Variants in CDK14 observed in about 807,000 individuals in gnomAD.
The protein encoded by CDK14 is cyclin dependent kinase 14, also known as cyclin-dependent kinase 14.
A neutral mutation model predicts 60.7 loss-of-function variants in CDK14; 34 were observed. The observed-to-expected ratio is 0.56, with a 90% CI of 0.43 to 0.75. The LOEUF (loss-of-function observed/expected upper bound fraction) is 0.75, where lower values mean the gene tolerates loss of function less well. Among genes scored for constraint, CDK14 ranks in the 30% least tolerant of loss-of-function variants. The pLI, the probability that CDK14 is intolerant of heterozygous loss-of-function variation, is 0.00. For synonymous variants in CDK14, 197 were observed against 203.7 expected (o/e 0.97, Z 0.28); for missense variants, 482 against 564.1 (o/e 0.85, Z 1.47).
intron 14 of CDK14, among the ~76,000 whole-genome samples, chr7:91,191,006 T>A (rs1031238128): frequency 6.6e-6 from 1 of 152,162 alleles, no homozygotes; most frequent in African/African-American, 2.4e-5. Flanking sequence ...ACTTTCAGAT[T>A]TGAGGAGGGT....
chr7:91,148,470 C>T (rs556763985), intron 14 of CDK14, among the ~76,000 whole-genome samples: 11 of 152,150 alleles, frequency 7.2e-5, no homozygotes, highest in East Asian at 1.9e-4. Context: ...TAAGATATGA[C>T]GGTAGCTTCC....
chr7:91,121,672 C>G (rs971698176), intron 14 of CDK14, among the ~76,000 whole-genome samples: 2 of 152,128 alleles, frequency 1.3e-5, no homozygotes, highest in Non-Finnish European at 2.9e-5. Context: ...CCATAAATAC[C>G]TAAGTTAAAA....
chr7:90,768,954 A>G (rs1301737641), intron 4 of CDK14, among the ~76,000 whole-genome samples: 1 of 152,224 alleles, frequency 6.6e-6, no homozygotes, highest in Admixed American at 6.5e-5. Context: ...TTATATAGCT[A>G]CATTCCAGGC....
chr7:91,029,301 C>T (rs375500562), intron 10 of CDK14, among the ~76,000 whole-genome samples: 17 of 151,820 alleles, frequency 1.1e-4, no homozygotes, highest in African/African-American at 2.9e-4. Flanking sequence ...TGACTATTTC[C>T]GTCTTTTTTG....
At chr7:90,694,083 T>G (rs1290014602) in intron 2 of CDK14, among the ~76,000 whole-genome samples, 1 of 152,168 alleles carries the variant, frequency 6.6e-6, no homozygotes, top group Non-Finnish European at 1.5e-5. Context: ...TGACTGTGAT[T>G]AGAGTCTGCT....
chr7:90,693,658 G>T (rs1439964330), intron 2 of CDK14, among the ~76,000 whole-genome samples: 3 of 152,140 alleles, frequency 2.0e-5, no homozygotes, highest in African/African-American at 7.2e-5. Context: ...GGCCTCAGTG[G>T]ATTCTGTGCT....
intron 4 of CDK14, among the ~76,000 whole-genome samples, chr7:90,758,091 C>T (rs184160759): frequency 7.5e-4 from 115 of 152,358 alleles, no homozygotes; most frequent in Non-Finnish European, 1.4e-3. Flanking sequence ...AGCTTGGCTT[C>T]TAACAAATGG....
intron 2 of CDK14, among the ~76,000 whole-genome samples, chr7:90,682,129 C>T (rs1439474386): frequency 6.6e-6 from 1 of 151,852 alleles, no homozygotes; most frequent in African/African-American, 2.4e-5. Context: ...AGCCTCATTA[C>T]TTTGTTATTT....
chr7:91,198,652 C>A (rs1472425698), intron 14 of CDK14, among the ~76,000 whole-genome samples: 1 of 152,148 alleles, frequency 6.6e-6, no homozygotes, highest in Non-Finnish European at 1.5e-5. Context: ...TGACATCATT[C>A]TGTATTAAGC....
At chr7:91,045,170 A>G (rs1797197463) in intron 10 of CDK14, among the ~76,000 whole-genome samples, 1 of 152,150 alleles carries the variant, frequency 6.6e-6, no homozygotes, top group African/African-American at 2.4e-5. Flanking sequence ...GTGATTTGCC[A>G]TGATCATTGA....
At chr7:91,130,285 C>T (rs973535266) in intron 14 of CDK14, among the ~76,000 whole-genome samples, 1 of 152,132 alleles carries the variant, frequency 6.6e-6, no homozygotes, top group African/African-American at 2.4e-5. Context: ...CCCACTAATT[C>T]TCTTTGGAAA....
chr7:91,005,598 T>TTA (rs1562865041), intron 10 of CDK14, among the ~76,000 whole-genome samples: 1 of 152,200 alleles, frequency 6.6e-6, no homozygotes, highest in African/African-American at 2.4e-5. Context: ...GGGTCAAAGG[T>TTA]TATAGCTCCT....
At chr7:90,813,888 G>A (rs186412300) in intron 5 of CDK14, among the ~76,000 whole-genome samples, 76 of 152,192 alleles carry the variant, frequency 5.0e-4, no homozygotes, top group African/African-American at 1.8e-3. Context: ...TTATACTTAC[G>A]GGTGGTATAT....
At chr7:90,917,501 C>G in intron 7 of CDK14, 100 bp from the exon 8 acceptor site, 1 of 1,105,928 alleles carries the variant, frequency 9.0e-7, no homozygotes, top group Non-Finnish European at 1.3e-6. Context: ...TGATGGTTAC[C>G]CATTTTCCCT....
chr7:91,146,511 A>G (rs43015), intron 14 of CDK14, among the ~76,000 whole-genome samples: 51,578 of 152,100 alleles, frequency 0.34, 11,015 homozygotes, highest in Non-Finnish European at 0.49. Flanking sequence ...CTGAGGTTCT[A>G]ATTGGTAGTC....
intron 14 of CDK14, among the ~76,000 whole-genome samples, chr7:91,138,999 A>G (rs1800365503): frequency 6.6e-6 from 1 of 152,288 alleles, no homozygotes. Flanking sequence ...ACAAGCAGAC[A>G]TCATTCGAGG....
At chr7:90,934,474 C>T (rs2117484347) in intron 8 of CDK14, among the ~76,000 whole-genome samples, 1 of 152,320 alleles carries the variant, frequency 6.6e-6, no homozygotes, top group East Asian at 1.9e-4. Context: ...TCTGGAAGTC[C>T]TTCCCTTGAG....
intron 3 of CDK14, among the ~76,000 whole-genome samples, chr7:90,733,208 T>C (rs978208567): frequency 2.0e-5 from 3 of 152,320 alleles, no homozygotes; most frequent in East Asian, 3.9e-4. Context: ...TGAGAGACTA[T>C]TATGATTTCC....
chr7:90,710,858 T>C (rs1802033665), intron 2 of CDK14, among the ~76,000 whole-genome samples: 1 of 152,116 alleles, frequency 6.6e-6, no homozygotes, highest in Non-Finnish European at 1.5e-5. Flanking sequence ...AGTTGACATA[T>C]TTGATGTGGC....
Sources: allele counts gnomAD v4.1 joint callset (sites outside exome capture counted in the v4.1 genomes callset), GRCh38; gene constraint gnomAD v4.1.1; transcripts MANE v1.5; gene names NCBI Gene and HGNC (gene_info 2026-07-23, HGNC 2026-07-21).